Variants in DTD1 observed in about 807,000 individuals in gnomAD.
The protein encoded by DTD1 is D-tyrosyl-tRNA deacylase 1 homolog.
A neutral mutation model predicts 25.6 loss-of-function variants in DTD1; 13 were observed. That is an observed-to-expected ratio of 0.51 (90% confidence interval 0.33 to 0.81). DTD1 has a LOEUF of 0.81. Among genes scored for constraint, DTD1 ranks in the 30% least tolerant of loss-of-function variants. The probability of loss-of-function intolerance (pLI) is 0.02; values close to 1 mark genes in which losing one functional copy is unlikely to be tolerated. For synonymous variants in DTD1, 110 were observed against 103.6 expected, an observed-to-expected ratio of 1.06 and a Z score of -0.37; for missense variants, 193 against 266.4, an observed-to-expected ratio of 0.72 and a Z score of 1.92.
At chr20:18,706,920 G>A (rs11905312) in intron 4 of DTD1, among the ~76,000 whole-genome samples, 2,083 of 152,334 alleles carry the variant, frequency 0.014, 33 homozygotes, top group African/African-American at 0.02. Context: ...AATTTAGCAG[G>A]TGAAGCCTTT....
chr20:18,589,722 TG>T (rs760602485), intron 1 of DTD1, among the ~76,000 whole-genome samples: 25 of 152,236 alleles, frequency 1.6e-4, no homozygotes, highest in Non-Finnish European at 2.9e-4. Context: ...ATCTCTCTCC[TG>T]AACTCTCCAT....
rs541910558 is a variant in DTD1, at chr20:18,711,284, C to T, written c.478-32816C>T. 1.1e-4 allele frequency among the ~76,000 whole-genome samples: 17 copies of T among 152,316 alleles called. No homozygotes were observed. In the South Asian group the frequency reaches 2.5e-3, roughly 22 times the overall value. On this transcript the variant is annotated intron_variant, in intron 4 of 5. Coordinates refer to ENST00000377452, the MANE Select transcript of DTD1 (RefSeq NM_080820.6). ...TCCCTCTGTGCAGCTGTCTCCTCTCCAGTACTGTGTCCTGAGTGCTTTAGC... is the reference window on the plus strand; with the variant it reads ...TCCCTCTGTGCAGCTGTCTCCTCTCTAGTACTGTGTCCTGAGTGCTTTAGC...
intron 4 of DTD1, among the ~76,000 whole-genome samples, chr20:18,735,777 A>G (rs1259388442): frequency 1.3e-5 from 2 of 152,126 alleles, no homozygotes; most frequent in African/African-American, 4.8e-5. Flanking sequence ...GACATCTATG[A>G]GAAGCTGTAA....
intron 4 of DTD1, among the ~76,000 whole-genome samples, chr20:18,714,776 T>A (rs965611983): frequency 2.6e-5 from 4 of 152,096 alleles, no homozygotes; most frequent in Non-Finnish European, 5.9e-5. Flanking sequence ...GGAGAAGCTT[T>A]AAAAAATTTC....
At chr20:18,631,229 A>G (rs1288321604) in intron 4 of DTD1, 13 of 985,422 alleles carry the variant, frequency 1.3e-5, no homozygotes, top group Non-Finnish European at 1.6e-5. Context: ...GACCAGCTAC[A>G]TAATTTGAGA....
intron 4 of DTD1, among the ~76,000 whole-genome samples, chr20:18,728,366 G>A (rs6035110): frequency 0.14 from 21,920 of 152,214 alleles, 1,694 homozygotes; most frequent in Admixed American, 0.2. Context: ...ATTGAAAACC[G>A]TGCTCCCTAT....
chr20:18,725,705 C>T (rs963187089), intron 4 of DTD1, among the ~76,000 whole-genome samples: 17 of 152,164 alleles, frequency 1.1e-4, no homozygotes, highest in African/African-American at 4.1e-4. Flanking sequence ...TCCCAAGTCA[C>T]CCTCTGCTTA....
chr20:18,643,967 A>G (rs1212001373), intron 4 of DTD1, among the ~76,000 whole-genome samples: 4 of 152,134 alleles, frequency 2.6e-5, no homozygotes, highest in African/African-American at 9.7e-5. Flanking sequence ...CCACCCCACA[A>G]GGGCATTTGT....
In DTD1 at chr20:18,721,540, G is replaced by A. The variant is rs891397202; in HGVS notation, c.478-22560G>A. On this transcript the variant is annotated intron_variant, in intron 4 of 5. Coordinates refer to ENST00000377452, the MANE Select transcript of DTD1 (RefSeq NM_080820.6). The stretch of plus-strand genomic sequence containing the variant: ...TTTTGTTCTATTACTATCTAGTTTT[G>A]TAATTGAATTAATATTATCCTCATA... 2.0e-4 allele frequency among the ~76,000 whole-genome samples: 31 copies of A among 152,090 alleles called. 1 individual carries two copies. Among genetic ancestry groups the A allele is most frequent in the Admixed American group, 1.7e-3 (26 of 15,274 alleles).
intron 4 of DTD1, chr20:18,643,066 C>T (rs962643004): frequency 1.2e-5 from 2 of 164,168 alleles, no homozygotes; most frequent in Admixed American, 6.4e-5. Flanking sequence ...CAGGCATGTG[C>T]CACCATGCCC....
At chr20:18,665,504 T>C (rs2122379922) in intron 4 of DTD1, among the ~76,000 whole-genome samples, 1 of 152,316 alleles carries the variant, frequency 6.6e-6, no homozygotes, top group Non-Finnish European at 1.5e-5. Context: ...GTTTCTCTAG[T>C]TTGTGAGTTC....
At position 18,724,519 on chromosome 20, in the gene DTD1, G is replaced by A. The variant is rs149895929; in HGVS notation, c.478-19581G>A. Among the ~76,000 whole-genome samples, 5 of 152,168 alleles carry A rather than the reference G, an allele frequency of 3.3e-5. No homozygotes were observed. The East Asian group carries it at 7.7e-4, about 23-fold the overall frequency. ...AAAATTGGCTCATACTAAGTGATTAGATTTCTAGAGTTTAACTTTTTAATA... is the reference window on the plus strand; with the variant it reads ...AAAATTGGCTCATACTAAGTGATTAAATTTCTAGAGTTTAACTTTTTAATA... On this transcript the variant is annotated intron_variant, in intron 4 of 5. Transcript: ENST00000377452.
At chr20:18,647,501 C>G (rs1325153726) in intron 4 of DTD1, among the ~76,000 whole-genome samples, 4 of 151,990 alleles carry the variant, frequency 2.6e-5, no homozygotes, top group Admixed American at 2.0e-4. Flanking sequence ...AGTTGCATCT[C>G]GAAGGTTGAG....
chr20:18,662,681 T>G (rs1278564423), intron 4 of DTD1, among the ~76,000 whole-genome samples: 2 of 152,172 alleles, frequency 1.3e-5, no homozygotes, highest in Admixed American at 1.3e-4. Flanking sequence ...AGAATGCAGT[T>G]GACCTATATC....
intron 1 of DTD1, among the ~76,000 whole-genome samples, chr20:18,592,818 G>A (rs2060595174): frequency 6.6e-6 from 1 of 152,006 alleles, no homozygotes; most frequent in African/African-American, 2.4e-5. Flanking sequence ...GAGTAGCTGG[G>A]ATTACAGGCG....
intron 4 of DTD1, 71 bp downstream of exon 4, chr20:18,628,304 TC>T (rs2060768163): frequency 8.7e-7 from 1 of 1,143,896 alleles, no homozygotes; most frequent in Non-Finnish European, 1.3e-6. Flanking sequence ...CCTGGAAGAG[TC>T]CTCGGTCTGA....
At chr20:18,642,046 A>G (rs1568655977) in intron 4 of DTD1, among the ~76,000 whole-genome samples, 1 of 152,196 alleles carries the variant, frequency 6.6e-6, no homozygotes, top group Non-Finnish European at 1.5e-5. Flanking sequence ...AGTATATGGT[A>G]TAAGGTGTAT....
chr20:18,591,887 G>A (rs547704344), intron 1 of DTD1, among the ~76,000 whole-genome samples: 1 of 152,226 alleles, frequency 6.6e-6, no homozygotes, highest in East Asian at 1.9e-4. Context: ...TTGAGGCAGT[G>A]GCTCAAAGGA....
chr20:18,666,746 A>G (rs2060932676), intron 4 of DTD1, among the ~76,000 whole-genome samples: 1 of 152,076 alleles, frequency 6.6e-6, no homozygotes, highest in South Asian at 2.1e-4. Flanking sequence ...TACTTTCTCT[A>G]CTTAATTTTT....
Sources: allele counts gnomAD v4.1 joint callset (sites outside exome capture counted in the v4.1 genomes callset), GRCh38; gene constraint gnomAD v4.1.1; transcripts MANE v1.5; gene names NCBI Gene and HGNC (gene_info 2026-07-23, HGNC 2026-07-21).